MAP3K2: variants seen among roughly 807,000 people sequenced by gnomAD.
MAP3K2 encodes the protein MAP/ERK kinase kinase 2.
Under a neutral mutation model 80.3 loss-of-function variants are expected in MAP3K2, and 24 were observed. The ratio of observed to expected loss-of-function variants is 0.30; its 90% CI spans 0.22 to 0.42. The LOEUF (loss-of-function observed/expected upper bound fraction) is 0.42. Among genes scored for constraint, MAP3K2 ranks in the 10% least tolerant of loss-of-function variants. The probability of loss-of-function intolerance (pLI) is 1.00; values close to 1 mark genes in which losing one functional copy is unlikely to be tolerated. For synonymous variants in MAP3K2, 244 were observed against 253.7 expected (o/e 0.96, Z 0.36); for missense variants, 608 against 750.1 (o/e 0.81, Z 2.21).
rs182265195 is a variant in MAP3K2 at position 127,347,310 on chromosome 2, A to G, written c.-65-4116T>C. On this transcript the variant is annotated intron_variant, in intron 1 of 16. Coordinates refer to ENST00000682094, the MANE Select transcript of MAP3K2 (RefSeq NM_001371910.2). ...AGAAGTAAAACTATACCCATTTGCA[A>G]GTGACATAATCTTAGATACAGGAAA... Among the ~76,000 whole-genome samples the G allele has an allele frequency of 1.3e-3, 192 of 152,286 alleles. No homozygotes were observed. The South Asian group carries it at 0.014, about 11-fold the overall frequency.
intron 1 of MAP3K2, among the ~76,000 whole-genome samples, chr2:127,371,601 GA>G (rs1423480510): frequency 6.6e-6 from 1 of 152,178 alleles, no homozygotes; most frequent in Non-Finnish European, 1.5e-5. Flanking sequence ...GCAATCAGAG[GA>G]AAGGCAGCCA....
intron 1 of MAP3K2, among the ~76,000 whole-genome samples, chr2:127,368,945 ATTTTATT>A (rs1468231682): frequency 1.3e-5 from 2 of 150,844 alleles, no homozygotes; most frequent in African/African-American, 4.9e-5. Context: ...ATTCTCAAAT[ATTTTATT>A]TTTTATTTTT....
At chr2:127,337,660 A>G in intron 4 of MAP3K2, 78 bp downstream of exon 4, 1 of 860,954 alleles carries the variant, frequency 1.2e-6, no homozygotes, top group Middle Eastern at 2.7e-4. Flanking sequence ...TCAAATCTGA[A>G]AAGAACCTTT....
At chr2:127,348,831 C>A (rs1213601819) in intron 1 of MAP3K2, among the ~76,000 whole-genome samples, 1 of 152,130 alleles carries the variant, frequency 6.6e-6, no homozygotes, top group Admixed American at 6.5e-5. Flanking sequence ...ATCATTTGCT[C>A]ACCTAGAGAA....
chr2:127,388,141 C>G, upstream of MAP3K2: 1 of 985,132 alleles, frequency 1.0e-6, no homozygotes, highest in South Asian at 4.7e-5. Flanking sequence ...CCCCACCGGC[C>G]GGACGGCGCG....
chr2:127,382,834 T>G (rs114968423), intron 1 of MAP3K2, among the ~76,000 whole-genome samples: 1,816 of 152,344 alleles, frequency 0.012, 37 homozygotes, highest in African/African-American at 0.042. Context: ...CAGATGTCGG[T>G]ATATTGATAG....
At chr2:127,376,853 C>A (rs1687161588) in intron 1 of MAP3K2, among the ~76,000 whole-genome samples, 1 of 152,014 alleles carries the variant, frequency 6.6e-6, no homozygotes, top group African/African-American at 2.4e-5. Context: ...ATCGCTTGAG[C>A]CCAGGTGTTC....
rs913447653 is a variant in MAP3K2, at chr2:127,364,729, A to G, written c.-65-21535T>C. On this transcript the variant is annotated intron_variant, in intron 1 of 16. Coordinates refer to ENST00000682094, the MANE Select transcript of MAP3K2 (RefSeq NM_001371910.2). The surrounding 1 kb of genome is among the most constrained non-coding windows in gnomAD (Gnocchi z 4.1). ...ATATAGGAACTATGTCTTCTACTTT[A>G]TTCTGCACTCATCTTCTTTTCCCTC... is the stretch of plus-strand genomic sequence containing the variant. Among the ~76,000 whole-genome samples, 1 of 152,180 alleles carries G rather than the reference A, an allele frequency of 6.6e-6. No individual in the cohort carries two copies. Among genetic ancestry groups the G allele is most frequent in the African/African-American group, 2.4e-5 (1 of 41,452 alleles).
intron 1 of MAP3K2, among the ~76,000 whole-genome samples, chr2:127,370,842 C>A (rs1457214138): frequency 6.6e-6 from 1 of 152,168 alleles, no homozygotes; most frequent in Non-Finnish European, 1.5e-5. Flanking sequence ...TACCTTACTG[C>A]CTCCTTATCC....
intron 1 of MAP3K2, among the ~76,000 whole-genome samples, chr2:127,387,195 G>C (rs1197683819): frequency 6.6e-6 from 1 of 152,072 alleles, no homozygotes; most frequent in African/African-American, 2.4e-5. Flanking sequence ...TAAAATCTCT[G>C]CAGGGTACGT....
rs1008370786 is a variant in MAP3K2, at chr2:127,341,050, C to T, written c.5-2000G>A. ...TATTGCCCAGGATGGAGTGCAGTGG[C>T]GCCATCTCGGCTCACTGCAAGCTCC... On this transcript the variant is annotated intron_variant, in intron 2 of 16. Transcript: ENST00000682094. Among the ~76,000 whole-genome samples, 7 of 152,044 alleles carry T rather than the reference C, an allele frequency of 4.6e-5. No individual in the cohort carries two copies. The South Asian group carries it at 6.2e-4, about 14-fold the overall frequency.
At chr2:127,376,211 T>A (rs1396291594) in intron 1 of MAP3K2, among the ~76,000 whole-genome samples, 3 of 151,630 alleles carry the variant, frequency 2.0e-5, no homozygotes, top group Non-Finnish European at 1.5e-5. Flanking sequence ...TGCCTGACAG[T>A]TTAGGTTGAT....
intron 1 of MAP3K2, among the ~76,000 whole-genome samples, chr2:127,361,440 T>C (rs1315483074): frequency 6.6e-6 from 1 of 152,044 alleles, no homozygotes; most frequent in African/African-American, 2.4e-5. Flanking sequence ...CTTCCATAGA[T>C]GCAATAAATT....
chr2:127,330,756 T>C (rs1323964935), intron 5 of MAP3K2, among the ~76,000 whole-genome samples: 1 of 152,208 alleles, frequency 6.6e-6, no homozygotes, highest in Non-Finnish European at 1.5e-5. Context: ...AAATAACATT[T>C]AAAGATTAAT....
intron 1 of MAP3K2, among the ~76,000 whole-genome samples, chr2:127,355,350 T>A (rs764028138): frequency 1.8e-4 from 28 of 152,078 alleles, no homozygotes; most frequent in Non-Finnish European, 3.7e-4. Context: ...GAAAACATCA[T>A]CATTAAAGTA....
At chr2:127,381,421 C>G (rs190164004) in intron 1 of MAP3K2, among the ~76,000 whole-genome samples, 35 of 152,234 alleles carry the variant, frequency 2.3e-4, no homozygotes, top group African/African-American at 8.2e-4. Context: ...TTATAAAATT[C>G]GTAACAAACG....
At chr2:127,326,590 A>C in intron 8 of MAP3K2, 97 bp downstream of exon 8, 16 of 793,152 alleles carry the variant, frequency 2.0e-5, no homozygotes, top group South Asian at 7.0e-5. Context: ...TAATTAGAGA[A>C]GAGATAATAC....
At chr2:127,359,832 T>C (rs1186892863) in intron 1 of MAP3K2, among the ~76,000 whole-genome samples, 5 of 152,204 alleles carry the variant, frequency 3.3e-5, no homozygotes, top group Non-Finnish European at 7.3e-5. Flanking sequence ...TGATTTTAAG[T>C]TTCCTGAGGC....
At chr2:127,360,582 T>C (rs1350252375) in intron 1 of MAP3K2, among the ~76,000 whole-genome samples, 1 of 152,202 alleles carries the variant, frequency 6.6e-6, no homozygotes, top group African/African-American at 2.4e-5. Flanking sequence ...TGCAGTTTAT[T>C]GTATGTTAAT....
Sources: allele counts gnomAD v4.1 joint callset (sites outside exome capture counted in the v4.1 genomes callset), GRCh38; gene constraint gnomAD v4.1.1; non-coding constraint Gnocchi (gnomAD v3.1); transcripts MANE v1.5; gene names NCBI Gene and HGNC (gene_info 2026-07-23, HGNC 2026-07-21).